GPC6: variants seen among roughly 807,000 people sequenced by gnomAD.
GPC6 encodes glypican-6.
A neutral mutation model predicts 55.2 loss-of-function variants in GPC6; 14 were observed. The ratio of observed to expected loss-of-function variants is 0.25; its 90% CI spans 0.17 to 0.40. The LOEUF is 0.40. Among genes scored for constraint, GPC6 ranks in the 10% least tolerant of loss-of-function variants. The pLI is 1.00. For missense variants in GPC6, 641 were observed against 708.5 expected (o/e 0.90, Z 1.08); for synonymous variants, 278 against 259.6 (o/e 1.07, Z -0.68).
chr13:94,345,107 C>A (rs1878223611), intron 6 of GPC6, among the ~76,000 whole-genome samples: 1 of 152,282 alleles, frequency 6.6e-6, no homozygotes, highest in Non-Finnish European at 1.5e-5. Flanking sequence ...TATAGAATCT[C>A]AAACGTTTGA....
chr13:94,117,074 C>T (rs545421826), intron 4 of GPC6, among the ~76,000 whole-genome samples: 43 of 152,146 alleles, frequency 2.8e-4, no homozygotes, highest in African/African-American at 9.6e-4. Flanking sequence ...TAAGGAGCAG[C>T]GACGTTAATA....
chr13:93,953,772 C>A (rs1879370870), intron 3 of GPC6, among the ~76,000 whole-genome samples: 1 of 152,146 alleles, frequency 6.6e-6, no homozygotes, highest in South Asian at 2.1e-4. Flanking sequence ...TAAGTGTTAT[C>A]TTCCCCTTGC....
intron 3 of GPC6, among the ~76,000 whole-genome samples, chr13:94,021,949 A>T (rs974734758): frequency 1.8e-4 from 27 of 152,088 alleles, no homozygotes; most frequent in Non-Finnish European, 3.2e-4. Context: ...ATTGTAAAAG[A>T]TTATTGTTTT....
intron 4 of GPC6, among the ~76,000 whole-genome samples, chr13:94,238,336 G>A (rs993826122): frequency 6.6e-6 from 1 of 152,128 alleles, no homozygotes; most frequent in Non-Finnish European, 1.5e-5. Context: ...ATAGCTAGAA[G>A]AGATAATGAG....
At chr13:94,298,581 G>A (rs970491698) in intron 5 of GPC6, among the ~76,000 whole-genome samples, 4 of 152,124 alleles carry the variant, frequency 2.6e-5, no homozygotes, top group Non-Finnish European at 5.9e-5. Context: ...GCTCTCCCAC[G>A]GGCCAATCAG....
intron 4 of GPC6, among the ~76,000 whole-genome samples, chr13:94,034,949 G>T (rs1025687663): frequency 6.6e-6 from 1 of 150,554 alleles, no homozygotes; most frequent in Non-Finnish European, 1.5e-5. Context: ...ATGATAGGAA[G>T]TTTACTAAAG....
intron 1 of GPC6, among the ~76,000 whole-genome samples, chr13:93,448,603 A>G (rs1197512296): frequency 6.6e-6 from 1 of 152,240 alleles, no homozygotes; most frequent in Non-Finnish European, 1.5e-5. Context: ...TAATTAAATA[A>G]GAATATAAAT....
intron 3 of GPC6, among the ~76,000 whole-genome samples, chr13:93,947,034 C>A (rs1427284494): frequency 6.6e-6 from 1 of 152,140 alleles, no homozygotes; most frequent in Non-Finnish European, 1.5e-5. Flanking sequence ...CTTTTTAAGA[C>A]TTGATAGTAA....
chr13:93,600,846 A>T (rs983254434), intron 2 of GPC6, among the ~76,000 whole-genome samples: 2 of 147,188 alleles, frequency 1.4e-5, no homozygotes, highest in African/African-American at 2.5e-5. Context: ...GCTACTCGGG[A>T]GGCTGAGGCA....
chr13:93,689,024 TC>T (rs1201904019), intron 2 of GPC6, among the ~76,000 whole-genome samples: 43 of 152,164 alleles, frequency 2.8e-4, no homozygotes, highest in Admixed American at 1.6e-3. Flanking sequence ...GGAACCTAGG[TC>T]ATCTCTATTT....
chr13:94,091,260 C>A (rs770412526), intron 4 of GPC6, among the ~76,000 whole-genome samples: 1 of 152,068 alleles, frequency 6.6e-6, no homozygotes, highest in Non-Finnish European at 1.5e-5. Context: ...ACTAGAAAAG[C>A]CACTCCAGGG....
At chr13:93,478,154 C>G (rs1019302511) in intron 1 of GPC6, among the ~76,000 whole-genome samples, 4 of 152,058 alleles carry the variant, frequency 2.6e-5, no homozygotes, top group African/African-American at 4.8e-5. Flanking sequence ...AATCATAGAA[C>G]AAACTAGAAA....
At chr13:93,449,486 G>C (rs1248678439) in intron 1 of GPC6, among the ~76,000 whole-genome samples, 1 of 143,640 alleles carries the variant, frequency 7.0e-6, no homozygotes, top group Non-Finnish European at 1.6e-5. Context: ...TGCACTCCAT[G>C]GATACAAATA....
chr13:93,371,335 A>G (rs1874643464), intron 1 of GPC6, among the ~76,000 whole-genome samples: 1 of 152,136 alleles, frequency 6.6e-6, no homozygotes, highest in Non-Finnish European at 1.5e-5. Flanking sequence ...TAATCAGCCA[A>G]ATCTAGTTAG....
chr13:93,915,765 T>G (rs554499669), intron 3 of GPC6, among the ~76,000 whole-genome samples: 2 of 152,348 alleles, frequency 1.3e-5, no homozygotes, highest in East Asian at 3.9e-4. Context: ...CATGGTGCAC[T>G]TTCTGAGGTT....
At chr13:93,411,425 G>A (rs780734816) in intron 1 of GPC6, among the ~76,000 whole-genome samples, 3 of 152,264 alleles carry the variant, frequency 2.0e-5, no homozygotes, top group Admixed American at 6.5e-5. Flanking sequence ...GGCTACAGAC[G>A]TGGAGCAGAG....
At chr13:93,283,869 A>G (rs553827765) in intron 1 of GPC6, among the ~76,000 whole-genome samples, 1 of 152,326 alleles carries the variant, frequency 6.6e-6, no homozygotes, top group South Asian at 2.1e-4. Context: ...AACCCCAGAA[A>G]CAACTTATGG....
intron 2 of GPC6, among the ~76,000 whole-genome samples, chr13:93,690,396 A>T (rs1381377019): frequency 6.6e-6 from 1 of 152,102 alleles, no homozygotes; most frequent in African/African-American, 2.4e-5. Context: ...GCTCCCTGGC[A>T]GCTGAGATGC....
chr13:93,724,091 T>C (rs79695790), intron 2 of GPC6, among the ~76,000 whole-genome samples: 1 of 147,032 alleles, frequency 6.8e-6, no homozygotes, highest in African/African-American at 2.5e-5. Flanking sequence ...TTAATGGCTA[T>C]TTTTTTTTTA....
Sources: allele counts gnomAD v4.1 joint callset (sites outside exome capture counted in the v4.1 genomes callset), GRCh38; gene constraint gnomAD v4.1.1; transcripts MANE v1.5; gene names NCBI Gene and HGNC (gene_info 2026-07-23, HGNC 2026-07-21).